Variants in ENPP3 observed in about 807,000 individuals in gnomAD.
The protein encoded by ENPP3 is ectonucleotide pyrophosphatase/phosphodiesterase family member 3.
ENPP3 carries 104 observed loss-of-function variants against 117.8 expected under a neutral mutation model. The observed-to-expected ratio is 0.88, with a 90% CI of 0.75 to 1.04. The LOEUF (loss-of-function observed/expected upper bound fraction) is 1.04. ENPP3 is among the 50% of genes least tolerant of loss of function. The probability of loss-of-function intolerance (pLI) is 0.00; values close to 1 mark genes in which losing one functional copy is unlikely to be tolerated. For missense variants in ENPP3, 1,026 were observed against 1,051.9 expected, an observed-to-expected ratio of 0.98 and a Z score of 0.34; for synonymous variants, 380 against 349.9, an observed-to-expected ratio of 1.09 and a Z score of -0.96.
intron 12 of ENPP3, among the ~76,000 whole-genome samples, chr6:131,684,391 A>C (rs12210900): frequency 0.082 from 12,430 of 152,312 alleles, 868 homozygotes; most frequent in East Asian, 0.33. Context: ...ATAATAATTT[A>C]TATGCAAGCC....
In ENPP3 at chr6:131,668,461, C is replaced by T. The variant is rs143977714; in HGVS notation, c.563-2787C>T. On this transcript the variant is annotated intron_variant, in intron 6 of 24. Coordinates refer to ENST00000357639, the MANE Select transcript of ENPP3 (RefSeq NM_005021.5). The stretch of plus-strand genomic sequence containing the variant: ...AACTCCTGACCTCAGGAGATCCGTC[C>T]GCCTCAGCCTCCCAAAATCCTGGGA... Among the ~76,000 whole-genome samples the T allele has an allele frequency of 3.3e-3, 501 of 152,060 alleles. 3 individuals are homozygous for T. Among genetic ancestry groups the T allele is most frequent in the African/African-American group, 0.011 (439 of 41,480 alleles).
chr6:131,710,089 G>C (rs778389694), intron 15 of ENPP3: 1 of 1,613,724 alleles, frequency 6.2e-7, no homozygotes, highest in African/African-American at 1.3e-5. Flanking sequence ...TCCTTTCGGA[G>C]GATCATCTAA....
At chr6:131,694,605 C>T (rs147694332) in intron 15 of ENPP3, among the ~76,000 whole-genome samples, 1 of 151,822 alleles carries the variant, frequency 6.6e-6, no homozygotes, top group Non-Finnish European at 1.5e-5. Flanking sequence ...GAGGCCAATG[C>T]GGGCAGGTCA....
intron 18 of ENPP3, among the ~76,000 whole-genome samples, chr6:131,722,782 A>G (rs1780064261): frequency 6.6e-6 from 1 of 152,116 alleles, no homozygotes; most frequent in South Asian, 2.1e-4. Context: ...AAGAACTAGG[A>G]GGGTGTAGGG....
chr6:131,746,623 G>T (rs1195596787), intron 24 of ENPP3, among the ~76,000 whole-genome samples, 163 bp from the exon 25 acceptor site: 1 of 152,048 alleles, frequency 6.6e-6, no homozygotes, highest in Non-Finnish European at 1.5e-5. Context: ...CTTTGTACTT[G>T]TGTTTTCTTT....
chr6:131,735,476 C>T (rs560697669), intron 21 of ENPP3, among the ~76,000 whole-genome samples: 16 of 151,942 alleles, frequency 1.1e-4, no homozygotes, highest in Non-Finnish European at 1.5e-5. Context: ...ATTAGTTACC[C>T]AGGCAGGATG....
At chr6:131,692,671 TA>T (rs1207784103) in intron 14 of ENPP3, among the ~76,000 whole-genome samples, 1 of 146,970 alleles carries the variant, frequency 6.8e-6, no homozygotes, top group Non-Finnish European at 1.5e-5. Context: ...AATATATATA[TA>T]ATATATGGTT....
At chr6:131,746,397 A>C (rs938522728) in intron 24 of ENPP3, among the ~76,000 whole-genome samples, 1 of 152,156 alleles carries the variant, frequency 6.6e-6, no homozygotes, top group Admixed American at 6.6e-5. Flanking sequence ...TAAGTTTAAA[A>C]ACTCATCAGT....
At chr6:131,739,417 C>T (rs960725768) in intron 23 of ENPP3, among the ~76,000 whole-genome samples, 1 of 152,114 alleles carries the variant, frequency 6.6e-6, no homozygotes, top group Admixed American at 6.6e-5. Context: ...AAACTCGAAA[C>T]TCGGTAAATG....
At chr6:131,663,960 G>T (rs1263528765) in intron 6 of ENPP3, among the ~76,000 whole-genome samples, 1 of 152,192 alleles carries the variant, frequency 6.6e-6, no homozygotes, top group East Asian at 1.9e-4. Context: ...CAAACTCCTG[G>T]GCTCAGGCGA....
intron 20 of ENPP3, among the ~76,000 whole-genome samples, chr6:131,727,555 C>CAAAAAAAAAAAAAAAAAAAAAAAAAAAA (rs773470669): frequency 3.8e-5 from 2 of 52,264 alleles, no homozygotes; most frequent in Non-Finnish European, 8.5e-5. Context: ...AAGTCCATCT[C>CAAAAAAAAAAAAAAAAAAAAAAAAAAAA]AAAAAAAAAA....
At chr6:131,683,007 A>C in intron 11 of ENPP3, 47 bp from the exon 12 acceptor site, 1 of 1,156,808 alleles carries the variant, frequency 8.6e-7, no homozygotes, top group East Asian at 2.3e-5. Context: ...GGTTTGGCTA[A>C]TTAAGACAAC....
rs563869861 is a variant in ENPP3, at chr6:131,693,338, C to A, written c.1285-159C>A. Among the ~76,000 whole-genome samples, 148 of 151,808 alleles carry A rather than the reference C, an allele frequency of 9.7e-4. 1 individual carries two copies. The highest frequency in any genetic ancestry group is 1.7e-3 in the Non-Finnish European group (118 of 68,008). ...CGGCAAAACTAATAACTAGGGGGAT[C>A]TGACTACATTGATAATAGGTTTAAT... On this transcript the variant is annotated intron_variant, in intron 14 of 24. Coordinates refer to ENST00000357639, the MANE Select transcript of ENPP3 (RefSeq NM_005021.5).
At chr6:131,734,779 G>A (rs1182005582) in intron 21 of ENPP3, among the ~76,000 whole-genome samples, 1 of 151,688 alleles carries the variant, frequency 6.6e-6, no homozygotes, top group East Asian at 1.9e-4. Context: ...GTGCGCACCT[G>A]TAATACCAGC....
At chr6:131,689,770 G>A (rs1779237557) in intron 14 of ENPP3, among the ~76,000 whole-genome samples, 1 of 152,194 alleles carries the variant, frequency 6.6e-6, no homozygotes, top group Non-Finnish European at 1.5e-5. Flanking sequence ...GTATTATAAA[G>A]TGAAAACCTT....
rs75356872 is a variant in ENPP3, at chr6:131,666,854, G to A, written c.563-4394G>A. ...TTCTCAGTTTTCATGGACCGGCCTC[G>A]TATAGGAGAAACCCTCGCCAGTTGG... On this transcript the variant is annotated intron_variant, in intron 6 of 24. Coordinates refer to ENST00000357639, the MANE Select transcript of ENPP3 (RefSeq NM_005021.5). 8.0e-3 allele frequency among the ~76,000 whole-genome samples: 1,221 copies of A among 152,288 alleles called. 12 individuals carry two copies. The highest frequency in any genetic ancestry group is 0.024 in the African/African-American group (1,013 of 41,542).
intron 14 of ENPP3, among the ~76,000 whole-genome samples, chr6:131,689,859 A>G (rs559493353): frequency 6.6e-5 from 10 of 152,310 alleles, no homozygotes; most frequent in South Asian, 4.1e-4. Flanking sequence ...CATTAATAGG[A>G]GTTTGGAAGA....
At chr6:131,746,352 A>G (rs573426040) in intron 24 of ENPP3, among the ~76,000 whole-genome samples, 2 of 152,306 alleles carry the variant, frequency 1.3e-5, no homozygotes, top group African/African-American at 4.8e-5. Context: ...ATACCGAATG[A>G]AAAAAATTGT....
At chr6:131,678,243 GA>G (rs1294964948) in intron 11 of ENPP3, among the ~76,000 whole-genome samples, 1 of 152,214 alleles carries the variant, frequency 6.6e-6, no homozygotes, top group African/African-American at 2.4e-5. Flanking sequence ...ATCAAGGCTA[GA>G]TACTATACAA....
Sources: gnomAD v4.1 joint callset for allele counts (sites outside exome capture counted in the v4.1 genomes callset) on GRCh38, gnomAD v4.1.1 for gene constraint, MANE v1.5 for transcripts, NCBI Gene and HGNC (gene_info 2026-07-23, HGNC 2026-07-21) for gene names.